OLFM2: variants seen among roughly 807,000 people sequenced by gnomAD.
OLFM2 encodes olfactomedin 2.
In OLFM2, 20 loss-of-function variants were observed where a neutral mutation model predicts 43.9. The observed-to-expected ratio is 0.46, with a 90% CI of 0.32 to 0.66. OLFM2 has a LOEUF of 0.66. Among genes scored for constraint, OLFM2 ranks in the 30% least tolerant of loss-of-function variants. The pLI, the probability that OLFM2 is intolerant of heterozygous loss-of-function variation, is 0.04. For synonymous variants in OLFM2, 268 were observed against 278.6 expected (o/e 0.96, Z 0.38); for missense variants, 416 against 643.6 (o/e 0.65, Z 3.83).
At chr19:9,909,082 T>C (rs1012954970) in intron 1 of OLFM2, among the ~76,000 whole-genome samples, 1 of 152,082 alleles carries the variant, frequency 6.6e-6, no homozygotes, top group African/African-American at 2.4e-5. Flanking sequence ...TCAAGCAATC[T>C]TCCCACCCCT....
At chr19:9,855,292 G>A (rs1168925852) in intron 5 of OLFM2, among the ~76,000 whole-genome samples, 1 of 148,768 alleles carries the variant, frequency 6.7e-6, no homozygotes, top group Non-Finnish European at 1.5e-5. Context: ...CCAGGCTGGA[G>A]TACAGTGGCG....
At chr19:9,934,099 C>T (rs550393373) in intron 1 of OLFM2, among the ~76,000 whole-genome samples, 10 of 152,290 alleles carry the variant, frequency 6.6e-5, no homozygotes, top group African/African-American at 2.4e-4. Flanking sequence ...CTGGGCCCAT[C>T]AGGGACAGGG....
chr19:9,893,923 A>G lies in OLFM2; in HGVS notation c.64-33129T>C, dbSNP rs922423725. 2.0e-5 allele frequency among the ~76,000 whole-genome samples: 3 copies of G among 152,136 alleles called. No homozygotes were observed. In the East Asian group the frequency reaches 5.8e-4, roughly 29 times the overall value. ...TCTCACCTCATAGATACTAGAGTTGAACATCCCTCTATCTGAGCTCTCCCC... is the reference window on the plus strand; with the variant it reads ...TCTCACCTCATAGATACTAGAGTTGGACATCCCTCTATCTGAGCTCTCCCC... On this transcript the variant is annotated intron_variant, in intron 1 of 5. Transcript: ENST00000264833.
chr19:9,910,035 C>T (rs1228192818), intron 1 of OLFM2, among the ~76,000 whole-genome samples: 1 of 152,028 alleles, frequency 6.6e-6, no homozygotes, highest in African/African-American at 2.4e-5. Context: ...AAGGATCTTA[C>T]CATCTCATAA....
rs373417149 is a variant in OLFM2 at position 9,898,435 on chromosome 19, T to C, written c.64-37641A>G. Among the ~76,000 whole-genome samples, 422 of 151,736 alleles carry C rather than the reference T, an allele frequency of 2.8e-3. 1 individual carries two copies. Among genetic ancestry groups the C allele is most frequent in the African/African-American group, 9.6e-3 (399 of 41,380 alleles). ...TACTTAGGAGGCTGAGGCAGGAGAA[T>C]TGCTTGAACCCGGGAGGTGGAGGTT... On this transcript the variant is annotated intron_variant, in intron 1 of 5. Transcript: ENST00000264833.
intron 1 of OLFM2, among the ~76,000 whole-genome samples, chr19:9,921,103 T>TTTGTTTTGGGATTTTGTTGTTG (rs2086416646): frequency 6.6e-6 from 1 of 152,114 alleles, no homozygotes; most frequent in Non-Finnish European, 1.5e-5. Context: ...TTTTCTTTTG[T>TTTGTTTTGGGATTTTGTTGTTG]TTGTTTTGGG....
intron 1 of OLFM2, among the ~76,000 whole-genome samples, chr19:9,882,905 AAT>A (rs1491024356): frequency 4.7e-5 from 7 of 149,208 alleles, no homozygotes; most frequent in Non-Finnish European, 8.9e-5. Flanking sequence ...TATTAAAAAA[AAT>A]AAAAAAAAAA....
intron 1 of OLFM2, among the ~76,000 whole-genome samples, chr19:9,900,988 A>AAGGAAGGAAGGAAGGAAGGG (rs1401980050): frequency 7.0e-5 from 2 of 28,400 alleles, no homozygotes; most frequent in East Asian, 1.4e-3. Context: ...GGAAGGAAGG[A>AAGGAAGGAAGGAAGGAAGGG]AGGGAGGGAG....
At chr19:9,862,975 T>C (rs8101122) in intron 1 of OLFM2, among the ~76,000 whole-genome samples, 145,711 of 146,842 alleles carry the variant, frequency 0.99, 72,363 homozygotes, top group Middle Eastern at 1. Context: ...GGCAAAAGAG[T>C]GAAACTCTGT....
intron 1 of OLFM2, among the ~76,000 whole-genome samples, chr19:9,919,889 G>A (rs1248466864): frequency 6.7e-6 from 1 of 150,288 alleles, no homozygotes. Flanking sequence ...GTGCCTCCAG[G>A]GTTCAAGTGA....
chr19:9,903,114 G>T (rs1017255385), intron 1 of OLFM2, among the ~76,000 whole-genome samples: 1 of 152,136 alleles, frequency 6.6e-6, no homozygotes, highest in African/African-American at 2.4e-5. Flanking sequence ...GGTTGGTCTT[G>T]AACTCCTGGG....
At chr19:9,901,839 T>G (rs1312496319) in intron 1 of OLFM2, among the ~76,000 whole-genome samples, 4 of 152,204 alleles carry the variant, frequency 2.6e-5, no homozygotes, top group Admixed American at 2.6e-4. Flanking sequence ...TATGCACATA[T>G]GTGCACATCA....
At chr19:9,889,708 C>T (rs902997201) in intron 1 of OLFM2, among the ~76,000 whole-genome samples, 1 of 152,018 alleles carries the variant, frequency 6.6e-6, no homozygotes, top group Admixed American at 6.6e-5. Flanking sequence ...TCTGTGTGTT[C>T]GGCTGGGTAT....
At chr19:9,875,889 A>G (rs2046483676) in intron 1 of OLFM2, among the ~76,000 whole-genome samples, 1 of 152,030 alleles carries the variant, frequency 6.6e-6, no homozygotes, top group Non-Finnish European at 1.5e-5. Flanking sequence ...GGGTACACAG[A>G]GCATGTCCCT....
At chr19:9,916,756 A>G (rs2046878862) in intron 1 of OLFM2, among the ~76,000 whole-genome samples, 1 of 151,724 alleles carries the variant, frequency 6.6e-6, no homozygotes, top group East Asian at 1.9e-4. Context: ...CTTGCATTTA[A>G]CTCCTTGCCT....
At chr19:9,859,676 C>A (rs573250292) in intron 2 of OLFM2, among the ~76,000 whole-genome samples, 4 of 152,142 alleles carry the variant, frequency 2.6e-5, no homozygotes, top group Admixed American at 1.3e-4. Context: ...TTAGACCCTC[C>A]CCAAGGGGCA....
chr19:9,908,704 C>A (rs2046803975), intron 1 of OLFM2, among the ~76,000 whole-genome samples: 1 of 151,844 alleles, frequency 6.6e-6, no homozygotes, highest in Admixed American at 6.6e-5. Context: ...GTCTCGATCT[C>A]CTGACCTCGT....
At chr19:9,878,813 A>C (rs548587617) in intron 1 of OLFM2, among the ~76,000 whole-genome samples, 2 of 152,270 alleles carry the variant, frequency 1.3e-5, no homozygotes, top group African/African-American at 2.4e-5. Flanking sequence ...GAAGCACAGA[A>C]CACTGGAAGA....
intron 1 of OLFM2, among the ~76,000 whole-genome samples, chr19:9,898,950 A>G (rs768555396): frequency 3.0e-4 from 46 of 152,240 alleles, no homozygotes; most frequent in Admixed American, 2.4e-3. Flanking sequence ...TGTGAATCAG[A>G]TCAAGTCCCT....
Sources: gnomAD v4.1 joint callset for allele counts (sites outside exome capture counted in the v4.1 genomes callset) on GRCh38, gnomAD v4.1.1 for gene constraint, MANE v1.5 for transcripts, NCBI Gene and HGNC (gene_info 2026-07-23, HGNC 2026-07-21) for gene names.